The following ZNF618 variants were observed in gnomAD, a reference collection of about 807,000 sequenced individuals.
ZNF618 encodes the protein neural precursor cell expressed, developmentally down-regulated 10.
Under a neutral mutation model 103.0 loss-of-function variants are expected in ZNF618, and 34 were observed. That is an observed-to-expected ratio of 0.33 (90% CI 0.25 to 0.44). The LOEUF is 0.44. Ranked by LOEUF, ZNF618 falls within the 20% of genes least tolerant of loss-of-function variation. The probability of loss-of-function intolerance (pLI) is 1.00; values close to 1 mark genes in which losing one functional copy is unlikely to be tolerated. For synonymous variants in ZNF618, 551 were observed against 542.2 expected, an observed-to-expected ratio of 1.02 and a Z score of -0.23; for missense variants, 1,059 against 1,295.4, an observed-to-expected ratio of 0.82 and a Z score of 2.80.
intron 1 of ZNF618, among the ~76,000 whole-genome samples, chr9:113,900,493 G>C (rs1250665840): frequency 1.3e-5 from 2 of 152,214 alleles, no homozygotes; most frequent in Non-Finnish European, 1.5e-5. Flanking sequence ...GGCACAGAGA[G>C]GAAGGGGAAA....
intron 1 of ZNF618, among the ~76,000 whole-genome samples, chr9:113,947,852 C>G (rs1165820760): frequency 1.3e-5 from 2 of 152,174 alleles, no homozygotes; most frequent in Non-Finnish European, 2.9e-5. Flanking sequence ...CTCTTTCTTC[C>G]CCTCTTCTCC....
intron 1 of ZNF618, among the ~76,000 whole-genome samples, chr9:113,957,986 C>A (rs1836473750): frequency 6.6e-6 from 1 of 151,914 alleles, no homozygotes; most frequent in Non-Finnish European, 1.5e-5. Flanking sequence ...AAATCATAAA[C>A]CTGGAGAGAG....
Position 114,049,336 on chromosome 9 carries a change from C to G in ZNF618, c.2034C>G (p.Ala678=), listed in dbSNP as rs372731704. The G allele has an allele frequency of 1.4e-5, 23 of 1,611,298 alleles. No individual in the cohort carries two copies. In the African/African-American group the frequency reaches 1.6e-4, roughly 11 times the overall value. ...ACCTGGCGGGCTCCACGGGCCTGGC[C>G]AAGGAGACCTTCGGGTCGCTGGAGG... The part of the protein sequence containing the change: ...CEDLAGSTGL[A]KETFGSLEET... Residue 678 remains alanine (A), a synonymous_variant, in exon 15 of 15, where the codon GCC becomes GCG. Transcript: ENST00000374126.
intron 1 of ZNF618, among the ~76,000 whole-genome samples, chr9:113,882,940 A>C (rs2130834358): frequency 6.6e-6 from 1 of 152,306 alleles, no homozygotes; most frequent in South Asian, 2.1e-4. Context: ...GGTACCTCCC[A>C]AACAATGTGG....
At chr9:113,938,814 G>C (rs10817537) in intron 1 of ZNF618, among the ~76,000 whole-genome samples, 80,182 of 151,776 alleles carry the variant, frequency 0.53, 21,576 homozygotes, top group East Asian at 0.68. Flanking sequence ...AAGTGATTCA[G>C]CCACCTCAGC....
Position 113,969,150 on chromosome 9 carries a change from A to G in ZNF618, c.67A>G (p.Thr23Ala). The G allele has an allele frequency of 1.2e-6, 2 of 1,613,976 alleles. No individual in the cohort carries two copies. Among genetic ancestry groups the G allele is most frequent in the East Asian group, 2.2e-5 (1 of 44,872 alleles). ...DGASAAGRKS[T>A]ASRERLKRSQ... Reference sequence around the variant, plus strand: ...AGCCAGTGCAGCCGGAAGGAAAAGCACTGCGAGCAGGTACACTCCCTCTCC... The same window carrying G: ...AGCCAGTGCAGCCGGAAGGAAAAGCGCTGCGAGCAGGTACACTCCCTCTCC... The change falls in exon 2 of 15, where the codon ACT becomes GCT. Residue 23 changes from threonine to alanine, a missense_variant. By Grantham distance (58) the Thr-to-Ala change is moderately conservative (BLOSUM62 0). Coordinates refer to ENST00000374126, the MANE Select transcript of ZNF618 (RefSeq NM_001318042.2).
chr9:113,878,351 C>CAAAATAAAGG (rs1044350379), intron 1 of ZNF618, among the ~76,000 whole-genome samples: 11 of 151,834 alleles, frequency 7.2e-5, no homozygotes, highest in Non-Finnish European at 1.2e-4. Flanking sequence ...TTAGCAGCAA[C>CAAAATAAAGG]AAAATAAAGG....
At chr9:113,972,523 C>T (rs1253578978) in intron 2 of ZNF618, among the ~76,000 whole-genome samples, 5 of 151,814 alleles carry the variant, frequency 3.3e-5, no homozygotes, top group Non-Finnish European at 7.4e-5. Context: ...TTCTGTGATG[C>T]ACTTACTCAC....
At chr9:113,943,171 G>GT (rs1258754542) in intron 1 of ZNF618, among the ~76,000 whole-genome samples, 5 of 152,188 alleles carry the variant, frequency 3.3e-5, no homozygotes, top group Non-Finnish European at 7.3e-5. Flanking sequence ...GTCTGGCACT[G>GT]GTAAGACAAG....
intron 1 of ZNF618, among the ~76,000 whole-genome samples, chr9:113,889,882 C>T (rs974151560): frequency 5.9e-5 from 9 of 152,184 alleles, no homozygotes; most frequent in Non-Finnish European, 1.2e-4. Context: ...ATAATGAGCT[C>T]GGAGGGAGAA....
chr9:114,032,684 A>C lies in ZNF618; in HGVS notation c.1124A>C (p.Gln375Pro). 1 of 1,614,074 alleles carries C rather than the reference A, an allele frequency of 6.2e-7. No individual in the cohort carries two copies. The highest frequency in any genetic ancestry group is 8.5e-7 in the Non-Finnish European group (1 of 1,179,900). Residue 375 changes from glutamine to proline, a missense_variant, in exon 12 of 15, where the codon CAA (glutamine) becomes CCA (proline). Physicochemically the swap from Gln to Pro is moderately conservative, Grantham distance 76. Around this residue, in one of 6 missense-constraint regions of ZNF618, gnomAD observed 434 missense variants for 476.0 expected, o/e 0.91. Coordinates refer to ENST00000374126, the MANE Select transcript of ZNF618 (RefSeq NM_001318042.2). The stretch of plus-strand genomic sequence containing the variant: ...AGTCGGAGAGTAGAAGGCAAAGCAC[A>C]AAACCACTTTGAAGAGACGAACAGC... ...AFSRRVEGKA[Q>P]NHFEETNSSS...
At chr9:114,033,880 A>G (rs1191672456) in intron 12 of ZNF618, among the ~76,000 whole-genome samples, 1 of 152,218 alleles carries the variant, frequency 6.6e-6, no homozygotes, top group African/African-American at 2.4e-5. Context: ...TGACGAACAC[A>G]TCACAACTGT....
In ZNF618 at chr9:114,051,024, G is replaced by T. The variant is rs1316014173; in HGVS notation, c.*857G>T. 2.0e-5 allele frequency: 3 copies of T among 152,618 alleles called. No individual in the cohort carries two copies. The highest frequency in any genetic ancestry group is 4.4e-5 in the Non-Finnish European group (3 of 68,038). 9.5% of individuals were successfully genotyped at this position (152,618 alleles called of 1,614,324 possible). ...GGAGAAAAAGACATTTTTCAGAGAAGTATAGATACTGTCTCCACTCCCTAA... is the reference window on the plus strand; with the variant it reads ...GGAGAAAAAGACATTTTTCAGAGAATTATAGATACTGTCTCCACTCCCTAA... On this transcript the variant is annotated 3_prime_UTR_variant, in exon 15 of 15. Coordinates refer to ENST00000374126, the MANE Select transcript of ZNF618 (RefSeq NM_001318042.2).
At position 113,926,800 on chromosome 9, in the gene ZNF618, C is replaced by G. The variant is rs112573985; in HGVS notation, c.34-42317C>G. Among the ~76,000 whole-genome samples, 16 of 152,268 alleles carry G rather than the reference C, an allele frequency of 1.1e-4. 1 individual carries two copies. The highest frequency in any genetic ancestry group is 3.9e-4 in the African/African-American group (16 of 41,556). ...GGCCAAGATGGGTGGATCGCTTGAG[C>G]TCAAGAGTTCAAGACCAGCCTGTGC... is the stretch of plus-strand genomic sequence containing the variant. On this transcript the variant is annotated intron_variant, in intron 1 of 14. Coordinates refer to ENST00000374126, the MANE Select transcript of ZNF618 (RefSeq NM_001318042.2).
chr9:113,904,439 CA>C (rs1370348925), intron 1 of ZNF618, among the ~76,000 whole-genome samples: 2 of 152,098 alleles, frequency 1.3e-5, no homozygotes, highest in Non-Finnish European at 2.9e-5. Context: ...TCATGCCTAG[CA>C]ATTTTTGATT....
Position 114,055,058 on chromosome 9 carries a change from C to T in ZNF618, c.*4891C>T, listed in dbSNP as rs2134797186. The T allele has an allele frequency of 6.6e-6, 1 of 152,250 alleles. No homozygotes were observed. The highest frequency in any genetic ancestry group is 1.9e-4 in the East Asian group (1 of 5,162). 9.4% of individuals were successfully genotyped at this position (152,250 alleles called of 1,614,324 possible). A position where few individuals can be genotyped will look rare whatever the true frequency, so the allele number is the denominator to read the frequency against. Reference sequence around the variant, plus strand: ...CACGACCCACGAGGGCCCTGCCCAACCGTGCGTCCCATGGGGCACCTTGAC... The same window carrying T: ...CACGACCCACGAGGGCCCTGCCCAATCGTGCGTCCCATGGGGCACCTTGAC... On this transcript the variant is annotated 3_prime_UTR_variant, in exon 15 of 15. Transcript: ENST00000374126.
chr9:113,950,346 C>T (rs1184357554), intron 1 of ZNF618, among the ~76,000 whole-genome samples: 5 of 152,176 alleles, frequency 3.3e-5, no homozygotes, highest in Non-Finnish European at 1.5e-5. Context: ...CTCATTGTCT[C>T]TCCCTGTCTC....
At chr9:113,897,568 C>T (rs1287633126) in intron 1 of ZNF618, among the ~76,000 whole-genome samples, 1 of 152,150 alleles carries the variant, frequency 6.6e-6, no homozygotes. Flanking sequence ...TTCCATATGT[C>T]CCATTGGTCT....
chr9:113,978,511 G>T (rs1015643404), intron 2 of ZNF618, among the ~76,000 whole-genome samples: 1 of 152,168 alleles, frequency 6.6e-6, no homozygotes, highest in Non-Finnish European at 1.5e-5. Context: ...ATTTCATGTC[G>T]GTGTGACTTT....
Sources: gnomAD v4.1 joint callset for allele counts (sites outside exome capture counted in the v4.1 genomes callset) on GRCh38, gnomAD v4.1.1 for gene constraint, gnomAD v4.1.1 regional missense constraint, MANE v1.5 for transcripts, NCBI Gene and HGNC (gene_info 2026-07-23, HGNC 2026-07-21) for gene names.